Variants in BEST3 observed in about 807,000 individuals in gnomAD.
The protein encoded by BEST3 is bestrophin-3.
A neutral mutation model predicts 47.1 loss-of-function variants in BEST3; 50 were observed. The ratio of observed to expected loss-of-function variants is 1.06; its 90% CI spans 0.85 to 1.34. BEST3 has a LOEUF of 1.34. Among genes scored for constraint, BEST3 ranks in the 40% most tolerant of loss-of-function variants. The probability of loss-of-function intolerance (pLI) is 0.00; values close to 1 mark genes in which losing one functional copy is unlikely to be tolerated. For synonymous variants in BEST3, 282 were observed against 298.8 expected, an observed-to-expected ratio of 0.94 and a Z score of 0.58; for missense variants, 765 against 817.0, an observed-to-expected ratio of 0.94 and a Z score of 0.78.
rs983961238 is a variant in BEST3, at chr12:69,671,640, T to A, written c.949-61A>T. On this transcript the variant is annotated intron_variant, in intron 8 of 9. Transcript: ENST00000330891. ...TGTAAATTAAATAAAAAGGAGAAGTTTTTTTGGGCAGATGAGAGTTAGATT... is the reference window on the plus strand; with the variant it reads ...TGTAAATTAAATAAAAAGGAGAAGTATTTTTGGGCAGATGAGAGTTAGATT... The A allele has an allele frequency of 6.5e-6, 10 of 1,538,780 alleles. No individual in the cohort carries two copies. The African/African-American group carries it at 1.2e-4, about 19-fold the overall frequency.
chr12:69,681,557 A>G (rs534160426), intron 4 of BEST3, among the ~76,000 whole-genome samples: 206 of 152,296 alleles, frequency 1.4e-3, no homozygotes, highest in African/African-American at 4.8e-3. Context: ...AGGTATGCCC[A>G]TTTTTAGAGT....
chr12:69,668,422 C>G (rs187156685), intron 9 of BEST3, among the ~76,000 whole-genome samples: 1 of 152,302 alleles, frequency 6.6e-6, no homozygotes, highest in East Asian at 1.9e-4. Flanking sequence ...GATCTTCACT[C>G]TCATGCAAAG....
intron 9 of BEST3, among the ~76,000 whole-genome samples, chr12:69,666,510 C>T (rs1037339770): frequency 3.9e-5 from 6 of 152,170 alleles, no homozygotes; most frequent in African/African-American, 1.4e-4. Flanking sequence ...AACTTTGTAC[C>T]TTTGGCCTCT....
chr12:69,698,498 C>T (rs1264695467), intron 1 of BEST3, among the ~76,000 whole-genome samples: 5 of 150,130 alleles, frequency 3.3e-5, no homozygotes, highest in East Asian at 1.9e-4. Flanking sequence ...AAACAGACAG[C>T]GCAAAGCTAA....
chr12:69,672,998 G>A, intron 7 of BEST3, 33 bp from the exon 8 acceptor site: 2 of 1,520,900 alleles, frequency 1.3e-6, no homozygotes, highest in South Asian at 2.3e-5. Flanking sequence ...AATCCATCAT[G>A]ATACCTGTGA....
In BEST3 at chr12:69,655,630, G is replaced by T; in HGVS notation, c.1284C>A (p.Asp428Glu). The T allele has an allele frequency of 6.2e-7, 1 of 1,614,020 alleles. No homozygotes were observed. Among genetic ancestry groups the T allele is most frequent in the African/African-American group, 1.3e-5 (1 of 75,012 alleles). ...SDSSMFLPRD[D>E]LSPARDLLDV... ...CCAGTAGGTCCCTGGCTGGGCTGAG[G>T]TCATCTCGGGGTAAGAACATGGAGC... Residue 428 changes from aspartate (D) to glutamate (E), a missense_variant, in exon 10 of 10, where the codon GAC (aspartate) becomes GAA (glutamate). Transcript: ENST00000330891.
chr12:69,655,363 GC>G lies in BEST3; in HGVS notation c.1550del (p.Gly517AlafsTer11). ...AAEAPVPTSG[G>X]YHHDSATSIL... ...TGGAGGTAGCGGAATCATGGTGGTA[GC>G]CCCCTGATGTGGGCACTGGTGCTTC... On this transcript the variant is annotated frameshift_variant, in exon 10 of 10. Coordinates refer to ENST00000330891, the MANE Select transcript of BEST3 (RefSeq NM_032735.3). LOFTEE classifies it low-confidence loss of function (END_TRUNC). 4.3e-6 allele frequency: 7 copies of G among 1,614,142 alleles called. No homozygotes were observed. The highest frequency in any genetic ancestry group is 5.9e-6 in the Non-Finnish European group (7 of 1,180,024).
At chr12:69,687,663 CAAAA>C (rs3050215) in intron 4 of BEST3, among the ~76,000 whole-genome samples, 1 of 126,642 alleles carries the variant, frequency 7.9e-6, no homozygotes, top group Non-Finnish European at 1.6e-5. Flanking sequence ...GAACGTGTCT[CAAAA>C]AAAAAAAAAA....
chr12:69,679,957 G>A (rs12369068), intron 4 of BEST3, among the ~76,000 whole-genome samples: 22,752 of 151,678 alleles, frequency 0.15, 1,908 homozygotes, highest in Non-Finnish European at 0.2. Context: ...ATTTGCTTGG[G>A]CTTGCAGTGA....
chr12:69,694,188 GT>G, intron 3 of BEST3, 181 bp downstream of exon 3: 2 of 575,328 alleles, frequency 3.5e-6, no homozygotes, highest in South Asian at 4.9e-5. Context: ...CCTCAAACTT[GT>G]TTGGTGTTAA....
chr12:69,699,142 A>G, intron 1 of BEST3, 63 bp downstream of exon 1: 4 of 904,538 alleles, frequency 4.4e-6, no homozygotes, highest in Non-Finnish European at 5.3e-6. Context: ...TCTGCCAGGA[A>G]AATGAAAATC....
At chr12:69,672,993 A>G (rs1884676155) in intron 7 of BEST3, 28 bp from the exon 8 acceptor site, 1 of 1,544,880 alleles carries the variant, frequency 6.5e-7, no homozygotes, top group Non-Finnish European at 8.9e-7. Flanking sequence ...AAATAAATCC[A>G]TCATGATACC....
chr12:69,653,745 T>C lies in BEST3; in HGVS notation c.*1162A>G. ...ACAAACAGCTGTCCTGAGAGCTCCC[T>C]GGGAGGAGTACCAACATCCGATCCC... On this transcript the variant is annotated 3_prime_UTR_variant, in exon 10 of 10. Coordinates refer to ENST00000330891, the MANE Select transcript of BEST3 (RefSeq NM_032735.3). The C allele has an allele frequency of 6.1e-6, 6 of 985,426 alleles. No individual in the cohort carries two copies. Among genetic ancestry groups the C allele is most frequent in the Non-Finnish European group, 7.2e-6 (6 of 829,938 alleles). The allele number at this position is 985,426 out of a possible 1,614,324, so 61.0% of individuals were successfully genotyped here. A position where few individuals can be genotyped will look rare whatever the true frequency, so the allele number is the denominator to read the frequency against.
intron 9 of BEST3, chr12:69,669,924 T>A (rs1343768821): frequency 6.6e-6 from 1 of 152,604 alleles, no homozygotes; most frequent in East Asian, 1.9e-4. Flanking sequence ...AACAACTCAA[T>A]GGACATAAGA....
chr12:69,680,311 T>TTCTTTTTTTTTTTTTTTC lies in BEST3; in HGVS notation c.482-1419_482-1418insGAAAAAAAAAAAAAAAGA. Among the ~76,000 whole-genome samples, 3 of 75,440 alleles carry TTCTTTTTTTTTTTTTTTC rather than the reference T, an allele frequency of 4.0e-5. No individual in the cohort carries two copies. The Middle Eastern group carries it at 0.019, about 466-fold the overall frequency. The allele number at this position is 75,440 out of a possible 152,430, so 49.5% of individuals were successfully genotyped here. Reference sequence around the variant, plus strand: ...TAAAACTTACAGTTTACACTTGATCTTTTTTTTTTTTTTTTTAGATGGAGT... The same window carrying TTCTTTTTTTTTTTTTTTC: ...TAAAACTTACAGTTTACACTTGATCTTCTTTTTTTTTTTTTTTCTTTTTTTTTTTTTTTTAGATGGAGT... On this transcript the variant is annotated intron_variant, in intron 4 of 9. Transcript: ENST00000330891.
chr12:69,653,703 G>C lies in BEST3; in HGVS notation c.*1204C>G. 1 of 985,372 alleles carries C rather than the reference G, an allele frequency of 1.0e-6. No individual in the cohort carries two copies. The highest frequency in any genetic ancestry group is 1.2e-6 in the Non-Finnish European group (1 of 829,930). 61.0% of individuals were successfully genotyped at this position (985,372 alleles called of 1,614,324 possible). A position where few individuals can be genotyped will look rare whatever the true frequency, so the allele number is the denominator to read the frequency against. On this transcript the variant is annotated 3_prime_UTR_variant, in exon 10 of 10. Coordinates refer to ENST00000330891, the MANE Select transcript of BEST3 (RefSeq NM_032735.3). Reference sequence around the variant, plus strand: ...GCAGCAGTCGTAAGGCATGGCCTAGGCACTTGGGAGCCCACGACAAACAGC... The same window carrying C: ...GCAGCAGTCGTAAGGCATGGCCTAGCCACTTGGGAGCCCACGACAAACAGC...
At position 69,644,342 on chromosome 12, in the gene BEST3, CTAAG is replaced by C. The variant is rs1882966441; in HGVS notation, c.1101-559_1101-556del. ...CAGCTCGTTAAGAGAATTAAATGTG[CTAAG>C]TAATTGTTATAACTTTAAAAAAATT... On this transcript the variant is annotated intron_variant, in intron 9 of 9. Transcript: ENST00000331471. 2.0e-5 allele frequency among the ~76,000 whole-genome samples: 3 copies of C among 152,230 alleles called. 1 individual carries two copies. Among genetic ancestry groups the C allele is most frequent in the Admixed American group, 2.0e-4 (3 of 15,298 alleles).
intron 9 of BEST3, 118 bp downstream of exon 9, chr12:69,671,310 T>TG: frequency 9.4e-7 from 1 of 1,058,376 alleles, no homozygotes; most frequent in Non-Finnish European, 1.3e-6. Context: ...GGACTACAGG[T>TG]GACATCACAG....
chr12:69,670,601 A>G, intron 9 of BEST3: 1 of 701,322 alleles, frequency 1.4e-6, no homozygotes, highest in South Asian at 1.5e-5. Flanking sequence ...GGAGGAGGGC[A>G]GGCCACTTCA....
Sources: allele counts gnomAD v4.1 joint callset (sites outside exome capture counted in the v4.1 genomes callset), GRCh38; gene constraint gnomAD v4.1.1; transcripts MANE v1.5; gene names NCBI Gene and HGNC (gene_info 2026-07-23, HGNC 2026-07-21).